The following ANK3 variants were observed in gnomAD, a reference collection of about 807,000 sequenced individuals.
ANK3 encodes the protein ankyrin 3.
A neutral mutation model predicts 370.9 loss-of-function variants in ANK3; 57 were observed. That is an observed-to-expected ratio of 0.15 (90% confidence interval 0.12 to 0.19). ANK3 has a LOEUF of 0.19. ANK3 is among the 10% of genes least tolerant of loss of function. The pLI is 1.00. For missense variants in ANK3, 4,439 were observed against 5,302.1 expected, an observed-to-expected ratio of 0.84 and a Z score of 5.06; for synonymous variants, 1,929 against 1,946.3, an observed-to-expected ratio of 0.99 and a Z score of 0.23.
intron 25 of ANK3, among the ~76,000 whole-genome samples, chr10:60,126,503 T>C (rs1182278214): frequency 1.5e-4 from 23 of 151,950 alleles, no homozygotes; most frequent in Admixed American, 1.5e-3. Flanking sequence ...CTGGCCAGTA[T>C]GGTGAAACTC....
rs576114562 is a variant in ANK3, at chr10:60,377,507, G to A, written c.114+11918C>T. On this transcript the variant is annotated intron_variant, in intron 1 of 43. Coordinates refer to ENST00000280772, the MANE Select transcript of ANK3 (RefSeq NM_020987.5). The stretch of plus-strand genomic sequence containing the variant: ...TAATATTTGAAGTTAAAAACATAAA[G>A]CTTCAGTCATGCACCATTATTTAAA... Among the ~76,000 whole-genome samples the A allele has an allele frequency of 7.2e-5, 11 of 152,286 alleles. 1 individual carries two copies. Among genetic ancestry groups the A allele is most frequent in the African/African-American group, 2.6e-4 (11 of 41,564 alleles).
intron 1 of ANK3, among the ~76,000 whole-genome samples, chr10:60,329,329 G>C (rs2050652300): frequency 6.6e-6 from 1 of 152,158 alleles, no homozygotes; most frequent in Admixed American, 6.5e-5. Context: ...AGTAGGAAGA[G>C]AGGAAATCAA....
chr10:60,085,044 G>A lies in ANK3; in HGVS notation c.3845+113C>T, dbSNP rs78738246. ...GATAATTTTGATAAGCAAATACTACGGATTTTTTTTCTCACAACAATTTTT... is the reference window on the plus strand; with the variant it reads ...GATAATTTTGATAAGCAAATACTACAGATTTTTTTTCTCACAACAATTTTT... On this transcript the variant is annotated intron_variant, in intron 31 of 43. Coordinates refer to ENST00000280772, the MANE Select transcript of ANK3 (RefSeq NM_020987.5). The A allele has an allele frequency of 1.8e-5, 16 of 890,404 alleles. No individual in the cohort carries two copies. In the Admixed American group the frequency reaches 1.9e-4, roughly 10 times the overall value. The allele number at this position is 890,404 out of a possible 1,614,324, so 55.2% of individuals were successfully genotyped here.
At chr10:60,052,199 A>T (rs78690502) in intron 42 of ANK3, among the ~76,000 whole-genome samples, 2,560 of 152,158 alleles carry the variant, frequency 0.017, 29 homozygotes, top group Middle Eastern at 0.031. Context: ...TGTCTCTACT[A>T]AAATACAAAA....
intron 1 of ANK3, among the ~76,000 whole-genome samples, chr10:60,638,106 A>G (rs765961809): frequency 3.3e-5 from 5 of 152,198 alleles, no homozygotes; most frequent in Non-Finnish European, 7.4e-5. Flanking sequence ...GGTTCCAAAG[A>G]TCTGCAAAGA....
chr10:60,046,013 C>T (rs116707726), intron 42 of ANK3, among the ~76,000 whole-genome samples: 1 of 151,620 alleles, frequency 6.6e-6, no homozygotes, highest in African/African-American at 2.4e-5. Flanking sequence ...TGTTTTTCCT[C>T]ACTGTGGTAT....
intron 1 of ANK3, among the ~76,000 whole-genome samples, chr10:60,625,487 A>G (rs2078396451): frequency 6.6e-6 from 1 of 152,214 alleles, no homozygotes; most frequent in Non-Finnish European, 1.5e-5. Flanking sequence ...TAAAATCCAC[A>G]AATGACGCAA....
chr10:60,275,131 G>C (rs17232926), intron 4 of ANK3, among the ~76,000 whole-genome samples: 2,939 of 152,230 alleles, frequency 0.019, 37 homozygotes, highest in South Asian at 0.035. Context: ...CAAAACAAAG[G>C]TAGCTAAAAA....
At chr10:60,366,010 C>A (rs1156665152) in intron 1 of ANK3, among the ~76,000 whole-genome samples, 3 of 152,156 alleles carry the variant, frequency 2.0e-5, no homozygotes, top group Admixed American at 6.5e-5. Context: ...TAGTCTCTCA[C>A]CTGTTAAGGG....
chr10:60,617,637 A>G (rs1393794931), intron 1 of ANK3, among the ~76,000 whole-genome samples: 2 of 152,136 alleles, frequency 1.3e-5, no homozygotes, highest in East Asian at 1.9e-4. Flanking sequence ...AGGGCTGTTC[A>G]TTTCTCTTCC....
At chr10:60,703,021 T>C (rs2079566151) in intron 1 of ANK3, among the ~76,000 whole-genome samples, 1 of 152,076 alleles carries the variant, frequency 6.6e-6, no homozygotes, top group African/African-American at 2.4e-5. Context: ...CCTTGACAAA[T>C]AAATTGCCTG....
At position 60,286,001 on chromosome 10, in the gene ANK3, T is replaced by A. The variant is rs144535221; in HGVS notation, c.115-6362A>T. On this transcript the variant is annotated intron_variant, in intron 1 of 43. Transcript: ENST00000280772. Reference sequence around the variant, plus strand: ...TGATTCAATATTCTGTCTTAGGGACTTTTTTAGTTCTTTCTCATTTTTTAA... The same window carrying A: ...TGATTCAATATTCTGTCTTAGGGACATTTTTAGTTCTTTCTCATTTTTTAA... 3.3e-5 allele frequency among the ~76,000 whole-genome samples: 5 copies of A among 152,344 alleles called. No homozygotes were observed. In the East Asian group the frequency reaches 9.6e-4, roughly 29 times the overall value.
At chr10:60,728,918 T>C (rs758353962) in intron 1 of ANK3, among the ~76,000 whole-genome samples, 1 of 152,234 alleles carries the variant, frequency 6.6e-6, no homozygotes, top group African/African-American at 2.4e-5. Context: ...TAGTATCTAC[T>C]GTGAGAGGCA....
intron 1 of ANK3, among the ~76,000 whole-genome samples, chr10:60,662,738 G>C (rs1227832972): frequency 1.3e-5 from 2 of 152,152 alleles, no homozygotes; most frequent in Non-Finnish European, 2.9e-5. Context: ...ACAGGAGCCT[G>C]TTTTCTTCAC....
intron 2 of ANK3, among the ~76,000 whole-genome samples, chr10:60,513,860 C>T (rs987342883): frequency 2.6e-5 from 4 of 152,078 alleles, no homozygotes; most frequent in Non-Finnish European, 4.4e-5. Flanking sequence ...GAGCAACATG[C>T]GTTTGCACGG....
intron 9 of ANK3, 125 bp downstream of exon 9, chr10:60,213,287 C>G: frequency 1.7e-6 from 1 of 586,998 alleles, no homozygotes; most frequent in Non-Finnish European, 2.9e-6. Flanking sequence ...CTATAAAGAT[C>G]TGGTGAACAT....
intron 2 of ANK3, among the ~76,000 whole-genome samples, chr10:60,430,237 C>T (rs897472399): frequency 6.6e-6 from 1 of 152,174 alleles, no homozygotes; most frequent in African/African-American, 2.4e-5. Flanking sequence ...CCAAGAAAAT[C>T]AAAGAGGGAG....
intron 1 of ANK3, among the ~76,000 whole-genome samples, chr10:60,699,379 A>G (rs1239331363): frequency 6.6e-6 from 1 of 152,156 alleles, no homozygotes; most frequent in Non-Finnish European, 1.5e-5. Context: ...CAAAGAAGAC[A>G]TGTAAAAAGT....
chr10:60,073,004 G>A lies in ANK3; in HGVS notation c.7877C>T (p.Pro2626Leu). The part of the protein sequence containing the change: ...KNGKEYSSQS[P>L]TSSSPEKVLL... ...CACTTTCTCAGGGCTGCTACTGGTA[G>A]GGCTTTGAGAAGAATATTCTTTGCC... The change falls in exon 37 of 44, where the codon CCT becomes CTT. Residue 2626 changes from proline (P) to leucine (L), a missense_variant. Around this residue, in one of 13 missense-constraint regions of ANK3, gnomAD observed 1,601 missense variants for 1,731.7 expected, o/e 0.92. Transcript: ENST00000280772. 1 of 1,614,106 alleles carries A rather than the reference G, an allele frequency of 6.2e-7. No individual in the cohort carries two copies. Among genetic ancestry groups the A allele is most frequent in the Non-Finnish European group, 8.5e-7 (1 of 1,179,996 alleles).
Sources: gnomAD v4.1 joint callset for allele counts (sites outside exome capture counted in the v4.1 genomes callset) on GRCh38, gnomAD v4.1.1 for gene constraint, gnomAD v4.1.1 regional missense constraint, MANE v1.5 for transcripts, NCBI Gene and HGNC (gene_info 2026-07-23, HGNC 2026-07-21) for gene names.